The following CCL24 variants were observed in gnomAD, a reference collection of about 807,000 sequenced individuals.
CCL24 encodes C-C motif chemokine ligand 24, also known as C-C motif chemokine 24.
CCL24 carries 6 observed loss-of-function variants against 8.6 expected under a neutral mutation model. The ratio of observed to expected loss-of-function variants is 0.70; its 90% CI spans 0.38 to 1.38. The LOEUF (loss-of-function observed/expected upper bound fraction) is 1.38, where lower values mean the gene tolerates loss of function less well. Ranked by LOEUF, CCL24 falls within the 40% of genes most tolerant of loss-of-function variation. The pLI is 0.02. For missense variants in CCL24, 126 were observed against 147.1 expected (o/e 0.86, Z 0.74); for synonymous variants, 59 against 52.7 (o/e 1.12, Z -0.52).
chr7:75,812,840 G>A (rs1803798438), intron 2 of CCL24, among the ~76,000 whole-genome samples: 1 of 151,988 alleles, frequency 6.6e-6, no homozygotes, highest in African/African-American at 2.4e-5. Flanking sequence ...TGAGGCATGA[G>A]AATTGCTTGA....
At chr7:75,821,676 C>T (rs1554535092) in intron 1 of CCL24, among the ~76,000 whole-genome samples, 1 of 152,046 alleles carries the variant, frequency 6.6e-6, no homozygotes, top group African/African-American at 2.4e-5. Flanking sequence ...GCTGTAATCC[C>T]AACACTTTGG....
chr7:75,815,368 G>C (rs1409958762), upstream of CCL24, among the ~76,000 whole-genome samples: 1 of 151,454 alleles, frequency 6.6e-6, no homozygotes, highest in Non-Finnish European at 1.5e-5. Context: ...AAGGCTGGGT[G>C]AGGTGGCTCA....
At chr7:75,816,717 G>A (rs1439229837), upstream of CCL24, among the ~76,000 whole-genome samples, 2 of 151,272 alleles carry the variant, frequency 1.3e-5, no homozygotes, top group South Asian at 2.1e-4. Context: ...ACCCACCATC[G>A]TGTCTTGCTA....
At position 75,811,961 on chromosome 7, in the gene CCL24, G is replaced by A. The variant is rs1416328258; in HGVS notation, c.195C>T (p.Phe65=). ...RSTCLKAGVI[F]TTKKGQQFCG... Reference sequence around the variant, plus strand: ...AGAACTGCTGGCCCTTCTTGGTGGTGAAGCTGTGGAAGAAAGGGACAGGGG... The same window carrying A: ...AGAACTGCTGGCCCTTCTTGGTGGTAAAGCTGTGGAAGAAAGGGACAGGGG... The change falls in exon 3 of 3, where the codon TTC becomes TTT. Residue 65 remains phenylalanine (F), a synonymous_variant. Transcript: ENST00000222902. The A allele has an allele frequency of 6.8e-6, 11 of 1,610,622 alleles. No individual in the cohort carries two copies. Among genetic ancestry groups the A allele is most frequent in the African/African-American group, 2.7e-5 (2 of 74,558 alleles).
intron 1 of CCL24, among the ~76,000 whole-genome samples, chr7:75,820,089 C>T (rs60724358): frequency 0.078 from 3,269 of 41,838 alleles, 32 homozygotes; most frequent in East Asian, 0.16. Context: ...CTTCTTCTTC[C>T]TCTTCTTCTT....
chr7:75,816,248 G>A (rs1277114629), upstream of CCL24, among the ~76,000 whole-genome samples: 2 of 152,172 alleles, frequency 1.3e-5, no homozygotes, highest in African/African-American at 4.8e-5. Flanking sequence ...TGTGGGTTTT[G>A]CCCACAGAGC....
upstream of CCL24, among the ~76,000 whole-genome samples, chr7:75,816,936 C>T (rs1486760622): frequency 1.3e-5 from 2 of 151,918 alleles, no homozygotes; most frequent in African/African-American, 4.8e-5. Context: ...GTGATCATAG[C>T]TCATTGCAGC....
Position 75,811,810 on chromosome 7 carries a change from G to T in CCL24, c.346C>A (p.Gln116Lys). The T allele has an allele frequency of 6.2e-7, 1 of 1,613,444 alleles. No individual in the cohort carries two copies. The highest frequency in any genetic ancestry group is 2.2e-5 in the East Asian group (1 of 44,808). ...CTGGGCGGGGATTAGCAGGTGGTTT[G>T]GTTGCCAGGATATCTCTGGACAGGG... Reference protein sequence around the residue: ...KGPVQRYPGNQTTC With the variant: ...KGPVQRYPGNKTTC The change falls in exon 3 of 3, where the codon CAA becomes AAA. Residue 116 changes from glutamine (Q) to lysine (K), a missense_variant. By Grantham distance (53) the Gln-to-Lys change is moderately conservative. Transcript: ENST00000222902.
chr7:75,815,476 T>A (rs976815055), upstream of CCL24, among the ~76,000 whole-genome samples: 4 of 148,384 alleles, frequency 2.7e-5, no homozygotes, highest in African/African-American at 9.9e-5. Context: ...ACCCCGTCTT[T>A]AAAAAAAAAA....
intron 1 of CCL24, among the ~76,000 whole-genome samples, chr7:75,819,162 G>A (rs1364433305): frequency 6.9e-6 from 1 of 145,466 alleles, no homozygotes; most frequent in African/African-American, 2.5e-5. Context: ...CAGCTGCTCG[G>A]GAGGCTGAGG....
At chr7:75,813,501 C>A in intron 1 of CCL24, 78 bp from the exon 2 acceptor site, 5 of 1,290,228 alleles carry the variant, frequency 3.9e-6, no homozygotes, top group Non-Finnish European at 5.6e-6. Context: ...GGAGCTTGAA[C>A]CCTGCACCAA....
At chr7:75,816,728 ATTG>A (rs1554534194), upstream of CCL24, among the ~76,000 whole-genome samples, 2 of 151,172 alleles carry the variant, frequency 1.3e-5, no homozygotes, top group African/African-American at 4.9e-5. Context: ...TGTCTTGCTA[ATTG>A]TTGTATTTTT....
chr7:75,813,263 G>T, intron 2 of CCL24, 43 bp downstream of exon 2: 3 of 1,227,860 alleles, frequency 2.4e-6, no homozygotes, highest in Non-Finnish European at 2.4e-6. Context: ...AGTTGCACCT[G>T]CCCCCACCCC....
chr7:75,816,356 C>G (rs532545199), upstream of CCL24, among the ~76,000 whole-genome samples: 15 of 152,190 alleles, frequency 9.9e-5, no homozygotes, highest in African/African-American at 3.4e-4. Context: ...CCTGATCTCA[C>G]TGCCTATGCT....
chr7:75,813,486 G>A, intron 1 of CCL24, 63 bp from the exon 2 acceptor site: 1 of 1,357,550 alleles, frequency 7.4e-7, no homozygotes. Flanking sequence ...CTGGGCCTCA[G>A]AGCTGGAGCT....
At position 75,811,660 on chromosome 7, in the gene CCL24, A is replaced by C; in HGVS notation, c.*136T>G. 9.4e-6 allele frequency: 7 copies of C among 747,320 alleles called. No individual in the cohort carries two copies. The highest frequency in any genetic ancestry group is 1.0e-5 in the Non-Finnish European group (5 of 477,646). The allele number at this position is 747,320 out of a possible 1,614,324, so 46.3% of individuals were successfully genotyped here. On this transcript the variant is annotated 3_prime_UTR_variant, in exon 3 of 3. Transcript: ENST00000222902. The stretch of plus-strand genomic sequence containing the variant: ...CCTGCTCCCTCGGGTTTTTCATAGA[A>C]GAGACACATCCCTGGAGAGTGTTGC...
chr7:75,812,034 G>A (rs973772581), intron 2 of CCL24, 70 bp from the exon 3 acceptor site: 9 of 1,347,270 alleles, frequency 6.7e-6, no homozygotes, highest in African/African-American at 1.5e-5. Flanking sequence ...TTCATGGCGG[G>A]GGGGATGTGG....
intron 1 of CCL24, among the ~76,000 whole-genome samples, chr7:75,819,746 A>G (rs1366661030): frequency 6.6e-6 from 1 of 152,050 alleles, no homozygotes; most frequent in Admixed American, 6.6e-5. Context: ...AAGAAAGAAA[A>G]AAAATCCTGT....
chr7:75,820,132 T>C (rs1804010822), intron 1 of CCL24, among the ~76,000 whole-genome samples: 1 of 96,088 alleles, frequency 1.0e-5, no homozygotes. Context: ...CTTCTTCTTC[T>C]CCTCCTCCTC....
Sources: allele counts gnomAD v4.1 joint callset (sites outside exome capture counted in the v4.1 genomes callset), GRCh38; gene constraint gnomAD v4.1.1; transcripts MANE v1.5; gene names NCBI Gene and HGNC (gene_info 2026-07-23, HGNC 2026-07-21).